FRMD6: variants seen among roughly 807,000 people sequenced by gnomAD.
The protein encoded by FRMD6 is FERM domain-containing protein 6.
A neutral mutation model predicts 73.2 loss-of-function variants in FRMD6; 37 were observed. That is an observed-to-expected ratio of 0.51 (90% CI 0.39 to 0.66). The LOEUF (loss-of-function observed/expected upper bound fraction) is 0.66. FRMD6 is among the 30% of genes least tolerant of loss of function. FRMD6 has a pLI of 0.00. For synonymous variants in FRMD6, 273 were observed against 282.2 expected (o/e 0.97, Z 0.33); for missense variants, 714 against 780.5 (o/e 0.91, Z 1.02).
chr14:51,466,522 T>C, the FRMD6 span, among the ~76,000 whole-genome samples: 4 of 152,228 alleles, frequency 2.6e-5, no homozygotes, highest in Admixed American at 6.5e-5. Flanking sequence ...TCTTTCCCCA[T>C]TGAATCATTT....
intron 1 of FRMD6, among the ~76,000 whole-genome samples, chr14:51,513,597 T>C (rs926312249): frequency 6.7e-6 from 1 of 150,012 alleles, no homozygotes; most frequent in Non-Finnish European, 1.5e-5. Flanking sequence ...TTGACCAACA[T>C]TCTTGGATGC....
intron 1 of FRMD6, among the ~76,000 whole-genome samples, chr14:51,660,063 G>A (rs1893106637): frequency 6.6e-6 from 1 of 152,150 alleles, no homozygotes; most frequent in African/African-American, 2.4e-5. Context: ...AAAGGGCGGG[G>A]GACCTAGTCC....
chr14:51,599,058 C>CTTTTTTTTTT lies in FRMD6; in HGVS notation c.-147+28666_-147+28675dup, dbSNP rs59151771. 2.8e-3 allele frequency among the ~76,000 whole-genome samples: 201 copies of CTTTTTTTTTT among 72,818 alleles called. 14 individuals carry two copies. Among genetic ancestry groups the CTTTTTTTTTT allele is most frequent in the African/African-American group, 0.01 (185 of 18,184 alleles). 47.8% of individuals were successfully genotyped at this position (72,818 alleles called of 152,430 possible). A position where few individuals can be genotyped will look rare whatever the true frequency, so the allele number is the denominator to read the frequency against. On this transcript the variant is annotated intron_variant, in intron 2 of 14. Coordinates refer to the FRMD6 transcript ENST00000356218. Reference sequence around the variant, plus strand: ...TCTCAGCAGCCTTGCCAGTATCTGTCTTTTTTTTTTTTTTTTTTTTTTTTT... The same window carrying CTTTTTTTTTT: ...TCTCAGCAGCCTTGCCAGTATCTGTCTTTTTTTTTTTTTTTTTTTTTTTTTTTTTTTTTTT...
Position 51,582,988 on chromosome 14 carries a change from C to T in FRMD6, c.-147+12578C>T, listed in dbSNP as rs375390083. ...ATTCCACACATAGTTTTTACTTTCT[C>T]GCCTTTCCTGCAATAACTGCCTCAA... On this transcript the variant is annotated intron_variant, in intron 2 of 14. Transcript: ENST00000356218. Among the ~76,000 whole-genome samples the T allele has an allele frequency of 3.2e-4, 48 of 152,284 alleles. No individual in the cohort carries two copies. The South Asian group carries it at 9.5e-3, about 30-fold the overall frequency.
At chr14:51,708,539 A>G (rs1896762591) in intron 7 of FRMD6, among the ~76,000 whole-genome samples, 1 of 152,036 alleles carries the variant, frequency 6.6e-6, no homozygotes, top group Non-Finnish European at 1.5e-5. Flanking sequence ...CTCCTCCCCA[A>G]ATCTGCTTTT....
At chr14:51,721,692 C>CAGGAAGGA (rs112816584) in intron 11 of FRMD6, among the ~76,000 whole-genome samples, 6 of 104,450 alleles carry the variant, frequency 5.7e-5, no homozygotes, top group Middle Eastern at 0.01. Context: ...AAAATGGTCC[C>CAGGAAGGA]AGGAAGGAAG....
At chr14:51,482,589 A>G in the FRMD6 span, among the ~76,000 whole-genome samples, 1 of 152,186 alleles carries the variant, frequency 6.6e-6, no homozygotes, top group Admixed American at 6.5e-5. Context: ...AAAGTGGGAG[A>G]ATCTGTCCAA....
At chr14:51,623,651 C>T (rs1891013818) in intron 2 of FRMD6, among the ~76,000 whole-genome samples, 2 of 152,228 alleles carry the variant, frequency 1.3e-5, no homozygotes, top group Admixed American at 1.3e-4. Flanking sequence ...GAAGACCTTT[C>T]TAACCACTGC....
intron 1 of FRMD6, among the ~76,000 whole-genome samples, chr14:51,681,123 C>T (rs116043270): frequency 0.012 from 1,789 of 152,214 alleles, 47 homozygotes; most frequent in African/African-American, 0.041. Context: ...TAATGTTTTT[C>T]GTTAGAGTAT....
the FRMD6 span, among the ~76,000 whole-genome samples, chr14:51,471,479 T>C: frequency 2.0e-5 from 3 of 148,444 alleles, no homozygotes; most frequent in Non-Finnish European, 4.4e-5. Context: ...CCAGCCTGGG[T>C]GACAGAGCCA....
At chr14:51,540,502 A>G (rs1198519750) in intron 1 of FRMD6, among the ~76,000 whole-genome samples, 7 of 152,212 alleles carry the variant, frequency 4.6e-5, no homozygotes, top group East Asian at 3.9e-4. Context: ...TTGGGTCTTC[A>G]TTGGCTACCA....
chr14:51,543,629 T>C (rs763707262), intron 1 of FRMD6, among the ~76,000 whole-genome samples: 2 of 152,066 alleles, frequency 1.3e-5, no homozygotes, highest in African/African-American at 2.4e-5. Flanking sequence ...TTTCACCATC[T>C]TGCAGGACAC....
At chr14:51,712,092 A>G (rs1276812967) in intron 8 of FRMD6, among the ~76,000 whole-genome samples, 1 of 152,216 alleles carries the variant, frequency 6.6e-6, no homozygotes, top group Non-Finnish European at 1.5e-5. Flanking sequence ...AGCCATCAAA[A>G]AGGGAGACAG....
intron 2 of FRMD6, among the ~76,000 whole-genome samples, chr14:51,639,104 ACTTTT>A (rs1026374121): frequency 1.1e-4 from 17 of 151,512 alleles, no homozygotes; most frequent in African/African-American, 3.9e-4. Flanking sequence ...TTGCCACAGG[ACTTTT>A]CTTTTCCTTT....
chr14:51,697,953 T>C, intron 2 of FRMD6, 189 bp from the exon 3 acceptor site: 4 of 503,266 alleles, frequency 7.9e-6, no homozygotes, highest in Non-Finnish European at 1.1e-5. Context: ...TTGTAAAAAC[T>C]GGTACTGTGA....
At chr14:51,650,824 C>A (rs994086586), upstream of FRMD6, 3 of 152,274 alleles carry the variant, frequency 2.0e-5, no homozygotes, top group African/African-American at 7.2e-5. Flanking sequence ...TAGCGAAGGG[C>A]TCAGTGAGGG....
chr14:51,682,635 CT>C (rs1439492748), intron 1 of FRMD6, among the ~76,000 whole-genome samples: 1 of 152,160 alleles, frequency 6.6e-6, no homozygotes, highest in Non-Finnish European at 1.5e-5. Context: ...TCTTTCTGAG[CT>C]TCTCTTTCCT....
intron 2 of FRMD6, among the ~76,000 whole-genome samples, chr14:51,612,743 T>C (rs147069273): frequency 1.3e-5 from 2 of 152,298 alleles, no homozygotes; most frequent in Non-Finnish European, 2.9e-5. Flanking sequence ...ACTGTACTTT[T>C]GAAAGATCTG....
At chr14:51,706,643 C>G (rs887847589) in intron 6 of FRMD6, among the ~76,000 whole-genome samples, 3 of 152,058 alleles carry the variant, frequency 2.0e-5, no homozygotes, top group Non-Finnish European at 2.9e-5. Context: ...ACCTGGCTAA[C>G]TCCTACTCAT....
Sources: gnomAD v4.1 joint callset for allele counts (sites outside exome capture counted in the v4.1 genomes callset) on GRCh38, gnomAD v4.1.1 for gene constraint, MANE v1.5 for transcripts, NCBI Gene and HGNC (gene_info 2026-07-23, HGNC 2026-07-21) for gene names.